The following USP47 variants were observed in gnomAD, a reference collection of about 807,000 sequenced individuals.
USP47 encodes ubiquitin specific peptidase 47, also known as ubiquitin carboxyl-terminal hydrolase 47.
In USP47, 35 loss-of-function variants were observed where a neutral mutation model predicts 165.1. That is an observed-to-expected ratio of 0.21 (90% CI 0.16 to 0.28). USP47 has a LOEUF of 0.28. Among genes scored for constraint, USP47 ranks in the 10% least tolerant of loss-of-function variants. The probability of loss-of-function intolerance (pLI) is 1.00; values close to 1 mark genes in which losing one functional copy is unlikely to be tolerated. For synonymous variants in USP47, 531 were observed against 544.5 expected, an observed-to-expected ratio of 0.98 and a Z score of 0.35; for missense variants, 1,277 against 1,607.4, an observed-to-expected ratio of 0.79 and a Z score of 3.52.
chr11:11,942,725 G>A lies in USP47; in HGVS notation c.2704G>A (p.Asp902Asn), dbSNP rs935638053. 2 of 1,613,576 alleles carry A rather than the reference G, an allele frequency of 1.2e-6. No individual in the cohort carries two copies. The highest frequency in any genetic ancestry group is 1.7e-6 in the Non-Finnish European group (2 of 1,179,748). The change falls in exon 20 of 28, where the codon GAT becomes AAT. Residue 902 changes from aspartate to asparagine, a missense_variant. Asp to Asn is a conservative substitution (Grantham distance 23). Transcript: ENST00000527733. ...LNERDSSASV[D>N]NRELEQHIQT... ...TGAGAGGGACTCTTCAGCATCAGTGGATAATAGAGAACTTGAACAGCATAT... is the reference window on the plus strand; with the variant it reads ...TGAGAGGGACTCTTCAGCATCAGTGAATAATAGAGAACTTGAACAGCATAT...
intron 1 of USP47, among the ~76,000 whole-genome samples, chr11:11,862,541 A>G (rs1849443329): frequency 6.6e-6 from 1 of 152,198 alleles, no homozygotes; most frequent in African/African-American, 2.4e-5. Flanking sequence ...AAGCAAGAGG[A>G]AATAAATTAC....
Position 11,905,522 on chromosome 11 carries a change from G to A in USP47, c.943G>A (p.Gly315Arg), listed in dbSNP as rs1235681817. 1 of 1,608,056 alleles carries A rather than the reference G, an allele frequency of 6.2e-7. No individual in the cohort carries two copies. Among genetic ancestry groups the A allele is most frequent in the Non-Finnish European group, 8.5e-7 (1 of 1,175,910 alleles). Residue 315 changes from glycine to arginine, a missense_variant, in exon 8 of 28, where the codon GGG becomes AGG. Coordinates refer to ENST00000527733, the MANE Select transcript of USP47 (RefSeq NM_001282659.2). ...LDIPLVIRPYGSSQAFASVEE... is the reference protein window; with the variant it reads ...LDIPLVIRPYRSSQAFASVEE... The stretch of plus-strand genomic sequence containing the variant: ...TATTCCATTGGTCATCCGACCTTAT[G>A]GGTCCAGCCAAGCATTTGCTAGTGT...
chr11:11,917,826 C>G (rs1348205146), intron 8 of USP47, among the ~76,000 whole-genome samples: 1 of 152,102 alleles, frequency 6.6e-6, no homozygotes, highest in Non-Finnish European at 1.5e-5. Context: ...TGAGATAGGA[C>G]CAAGCATACC....
chr11:11,884,698 T>A, intron 3 of USP47, 118 bp downstream of exon 3: 1 of 675,174 alleles, frequency 1.5e-6, no homozygotes, highest in Non-Finnish European at 2.5e-6. Flanking sequence ...TAAATTAATA[T>A]TTTTTCATTT....
At chr11:11,934,209 A>G (rs570282805) in intron 16 of USP47, among the ~76,000 whole-genome samples, 1 of 152,270 alleles carries the variant, frequency 6.6e-6, no homozygotes, top group East Asian at 1.9e-4. Flanking sequence ...TTCATTTAAC[A>G]TACATTTCAT....
chr11:11,910,551 C>G (rs149400752), intron 8 of USP47, among the ~76,000 whole-genome samples: 2 of 151,964 alleles, frequency 1.3e-5, no homozygotes, highest in East Asian at 3.9e-4. Flanking sequence ...GGTAAAGAGG[C>G]GAGCCCCTCC....
chr11:11,877,183 G>C (rs1052729412), intron 1 of USP47, among the ~76,000 whole-genome samples: 10 of 151,694 alleles, frequency 6.6e-5, no homozygotes, highest in Non-Finnish European at 1.5e-4. Flanking sequence ...TCTTATTGGT[G>C]GTATCTTAAA....
intron 5 of USP47, among the ~76,000 whole-genome samples, chr11:11,898,110 C>T (rs1851957331): frequency 6.6e-6 from 1 of 151,518 alleles, no homozygotes; most frequent in Admixed American, 6.6e-5. Flanking sequence ...ATAATACTTA[C>T]AGCTTGTTTC....
chr11:11,844,120 C>T (rs1848295711), intron 1 of USP47, among the ~76,000 whole-genome samples: 1 of 152,132 alleles, frequency 6.6e-6, no homozygotes, highest in Admixed American at 6.5e-5. Flanking sequence ...TTACTGGAAA[C>T]TTTTTCTGAA....
intron 18 of USP47, among the ~76,000 whole-genome samples, 190 bp downstream of exon 18, chr11:11,938,562 A>G (rs1463236800): frequency 6.6e-6 from 1 of 152,088 alleles, no homozygotes; most frequent in Non-Finnish European, 1.5e-5. Context: ...TAAGGCAAGT[A>G]CATATAACAA....
At chr11:11,861,451 G>C (rs1849381273) in intron 1 of USP47, among the ~76,000 whole-genome samples, 1 of 151,990 alleles carries the variant, frequency 6.6e-6, no homozygotes, top group Admixed American at 6.5e-5. Context: ...CTGGTTGGTT[G>C]GTTTTTAATT....
rs1314771908 is a variant in USP47 at position 11,960,332 on chromosome 11, C to CT, written c.*4163dup. On this transcript the variant is annotated 3_prime_UTR_variant, in exon 28 of 28. Coordinates refer to ENST00000527733, the MANE Select transcript of USP47 (RefSeq NM_001282659.2). ...TCCCCTTGTGCCTGGTCACTAGTAA[C>CT]TTTTTTGTAGACATGAAGGTAGATG... Among the ~76,000 whole-genome samples the CT allele has an allele frequency of 6.6e-6, 1 of 152,190 alleles. No individual in the cohort carries two copies. The highest frequency in any genetic ancestry group is 1.5e-5 in the Non-Finnish European group (1 of 68,036).
Position 11,933,044 on chromosome 11 carries a change from C to T in USP47, c.1692C>T (p.Asn564=). The change falls in exon 15 of 28, where the codon AAC becomes AAT. Residue 564 remains asparagine, a synonymous_variant. Coordinates refer to ENST00000527733, the MANE Select transcript of USP47 (RefSeq NM_001282659.2). ...EVDEYPEHIK[N]LVQKERELEE... is the part of the protein sequence containing the mutation. ...ATGAATACCCAGAACATATTAAAAA[C>T]TTGGTGCAGAAAGAGAGAGAGTTGG... The T allele has an allele frequency of 6.2e-7, 1 of 1,613,234 alleles. No homozygotes were observed. The highest frequency in any genetic ancestry group is 1.1e-5 in the South Asian group (1 of 91,038).
At chr11:11,936,939 C>A (rs139352979) in intron 17 of USP47, among the ~76,000 whole-genome samples, 2,450 of 151,974 alleles carry the variant, frequency 0.016, 28 homozygotes, top group Non-Finnish European at 0.022. Context: ...TTCAGGTCTT[C>A]TTTGGAAGGG....
intron 19 of USP47, among the ~76,000 whole-genome samples, chr11:11,941,338 G>A (rs2134774755): frequency 2.0e-5 from 1 of 49,000 alleles, no homozygotes; most frequent in East Asian, 5.6e-4. Flanking sequence ...GTGCAGTAGG[G>A]AAACTTTTCT....
chr11:11,893,200 T>C (rs994787173), intron 4 of USP47, among the ~76,000 whole-genome samples: 1 of 152,228 alleles, frequency 6.6e-6, no homozygotes, highest in African/African-American at 2.4e-5. Flanking sequence ...TAAATTTACA[T>C]ATTATTTCAT....
chr11:11,864,510 T>C (rs1590248450), intron 1 of USP47, among the ~76,000 whole-genome samples: 2 of 152,024 alleles, frequency 1.3e-5, no homozygotes, highest in South Asian at 2.1e-4. Flanking sequence ...ACTGAAACCA[T>C]GTACCTATTA....
intron 1 of USP47, among the ~76,000 whole-genome samples, chr11:11,871,231 C>G (rs1850017995): frequency 6.6e-6 from 1 of 151,254 alleles, no homozygotes; most frequent in Admixed American, 6.6e-5. Flanking sequence ...CAGCTGGGTG[C>G]AGTGGCGCAC....
At chr11:11,874,421 G>T (rs1850259449) in intron 1 of USP47, among the ~76,000 whole-genome samples, 1 of 152,134 alleles carries the variant, frequency 6.6e-6, no homozygotes, top group Non-Finnish European at 1.5e-5. Flanking sequence ...TAACATCAGA[G>T]TTGGCTGCAG....
Sources: gnomAD v4.1 joint callset for allele counts (sites outside exome capture counted in the v4.1 genomes callset) on GRCh38, gnomAD v4.1.1 for gene constraint, MANE v1.5 for transcripts, NCBI Gene and HGNC (gene_info 2026-07-23, HGNC 2026-07-21) for gene names.